The following PDS5B variants were observed in gnomAD, a reference collection of about 807,000 sequenced individuals.
PDS5B encodes sister chromatid cohesion protein PDS5 homolog B.
PDS5B carries 51 observed loss-of-function variants against 184.1 expected under a neutral mutation model. That is an observed-to-expected ratio of 0.28 (90% CI 0.22 to 0.35). The LOEUF is 0.35. PDS5B is among the 10% of genes least tolerant of loss of function. PDS5B has a pLI of 1.00. For synonymous variants in PDS5B, 566 were observed against 569.2 expected (o/e 0.99, Z 0.08); for missense variants, 1,180 against 1,723.3 (o/e 0.68, Z 5.58).
intron 1 of PDS5B, among the ~76,000 whole-genome samples, chr13:32,608,003 G>A (rs9595903): frequency 0.27 from 41,098 of 152,124 alleles, 6,711 homozygotes; most frequent in Non-Finnish European, 0.37. Flanking sequence ...AACGCCTTGC[G>A]CTTCCCGGGT....
chr13:32,768,947 C>CAAAAAAAAAAAAA (rs770324221), intron 31 of PDS5B, among the ~76,000 whole-genome samples: 14 of 84,524 alleles, frequency 1.7e-4, no homozygotes, highest in Admixed American at 4.2e-4. Context: ...TAAAAAAATA[C>CAAAAAAAAAAAAA]AAAAAAAAAA....
At position 32,764,436 on chromosome 13, in the gene PDS5B, AG is replaced by A. The variant is rs1954517369; in HGVS notation, c.3519-52del. 3.5e-6 allele frequency: 4 copies of A among 1,127,920 alleles called. No homozygotes were observed. In the South Asian group the frequency reaches 7.4e-5, roughly 21 times the overall value. 69.9% of individuals were successfully genotyped at this position (1,127,920 alleles called of 1,614,324 possible). A position where few individuals can be genotyped will look rare whatever the true frequency, so the allele number is the denominator to read the frequency against. ...GTAAAGCTACACTAGGAACAGAAAA[AG>A]CTTGTAAGGTTATTTGATTGTAATA... On this transcript the variant is annotated intron_variant, in intron 30 of 34. Transcript: ENST00000315596.
intron 20 of PDS5B, among the ~76,000 whole-genome samples, chr13:32,734,430 A>G (rs1004328632): frequency 6.6e-6 from 1 of 152,172 alleles, no homozygotes; most frequent in Non-Finnish European, 1.5e-5. Context: ...TGGGTTTCCT[A>G]TCAGAATAAC....
At chr13:32,693,001 T>A (rs1293031414) in intron 13 of PDS5B, among the ~76,000 whole-genome samples, 1 of 152,026 alleles carries the variant, frequency 6.6e-6, no homozygotes, top group African/African-American at 2.4e-5. Context: ...TAAGTGAAAG[T>A]AAGCTTCAAA....
chr13:32,611,596 C>T (rs1336109440), intron 1 of PDS5B, among the ~76,000 whole-genome samples: 1 of 151,016 alleles, frequency 6.6e-6, no homozygotes, highest in African/African-American at 2.4e-5. Flanking sequence ...CAGCCTCTGC[C>T]TCCTGGGCTC....
At chr13:32,665,733 G>C (rs908749465) in intron 6 of PDS5B, among the ~76,000 whole-genome samples, 6 of 151,382 alleles carry the variant, frequency 4.0e-5, no homozygotes. Flanking sequence ...AAAGCTATTT[G>C]TGGTAACCAA....
Position 32,658,505 on chromosome 13 carries a change from A to C in PDS5B, c.471A>C (p.Leu157=). 1 of 1,556,908 alleles carries C rather than the reference A, an allele frequency of 6.4e-7. No individual in the cohort carries two copies. ...LEDSNEIFTQ[L]YRTLFSVINN... ...ATAGCAATGAAATTTTCACCCAGCT[A>C]TACAGAACCTTATTTTCAGTTATAA... Residue 157 remains leucine (L), a synonymous_variant, in exon 5 of 35, where the codon CTA becomes CTC. Transcript: ENST00000315596.
intron 10 of PDS5B, among the ~76,000 whole-genome samples, chr13:32,680,730 G>C (rs958137838): frequency 3.9e-5 from 6 of 152,146 alleles, no homozygotes; most frequent in African/African-American, 1.4e-4. Flanking sequence ...AGAAGTTCTT[G>C]TTGCTAGTTC....
In PDS5B at chr13:32,591,916, A is replaced by G. The variant is rs74431646; in HGVS notation, c.-20+5323A>G. Among the ~76,000 whole-genome samples, 4 of 152,172 alleles carry G rather than the reference A, an allele frequency of 2.6e-5. No homozygotes were observed. In the East Asian group the frequency reaches 5.8e-4, roughly 22 times the overall value. ...GCTCATGGCACCTTGACGGGGAGCA[A>G]TGCTCTGAATGGAGAGGCTACAGCA... is the stretch of plus-strand genomic sequence containing the variant. On this transcript the variant is annotated intron_variant, in intron 1 of 34. Coordinates refer to ENST00000315596, the MANE Select transcript of PDS5B (RefSeq NM_015032.4).
chr13:32,589,538 A>G (rs966061966), intron 1 of PDS5B, among the ~76,000 whole-genome samples: 5 of 152,080 alleles, frequency 3.3e-5, no homozygotes, highest in Non-Finnish European at 7.4e-5. Flanking sequence ...CATGGCATTT[A>G]TTTATTCTTT....
chr13:32,682,977 G>A (rs1951286826), intron 10 of PDS5B, among the ~76,000 whole-genome samples: 2 of 151,728 alleles, frequency 1.3e-5, no homozygotes, highest in African/African-American at 4.8e-5. Context: ...GTGATCTCTT[G>A]TTGTGATCTC....
rs747469652 is a variant in PDS5B, at chr13:32,776,810, TTG to T, written c.*1762_*1763del. ...GATTATTTTTCTTTTAAAGATTTGT[TTG>T]TGTTTATGAAACAGCCATTTATTTT... On this transcript the variant is annotated 3_prime_UTR_variant, in exon 35 of 35. Coordinates refer to ENST00000315596, the MANE Select transcript of PDS5B (RefSeq NM_015032.4). 3 of 152,542 alleles carry T rather than the reference TTG, an allele frequency of 2.0e-5. No homozygotes were observed. The highest frequency in any genetic ancestry group is 4.4e-5 in the Non-Finnish European group (3 of 67,936). The allele number at this position is 152,542 out of a possible 1,614,324, so 9.4% of individuals were successfully genotyped here.
rs73451438 is a variant in PDS5B at position 32,625,206 on chromosome 13, A to T, written c.-19-23548A>T. Among the ~76,000 whole-genome samples, 851 of 152,126 alleles carry T rather than the reference A, an allele frequency of 5.6e-3. 14 individuals are homozygous for T. Among genetic ancestry groups the T allele is most frequent in the African/African-American group, 0.019 (803 of 41,500 alleles). On this transcript the variant is annotated intron_variant, in intron 1 of 34. Coordinates refer to ENST00000315596, the MANE Select transcript of PDS5B (RefSeq NM_015032.4). ...ATCACAGCTCACTGCAGCCTTGACCATCTGGGCTCAAGCGATCCTCCCACC... is the reference window on the plus strand; with the variant it reads ...ATCACAGCTCACTGCAGCCTTGACCTTCTGGGCTCAAGCGATCCTCCCACC...
Position 32,675,831 on chromosome 13 carries a change from T to C in PDS5B, c.847-13T>C. ...CTGCATGGTTTTAAAGCTGTGATTGTGTTTTATTTTAGAGCAATGATAATG... is the reference window on the plus strand; with the variant it reads ...CTGCATGGTTTTAAAGCTGTGATTGCGTTTTATTTTAGAGCAATGATAATG... On this transcript the variant is annotated splice_polypyrimidine_tract_variant and intron_variant, in intron 8 of 34. Transcript: ENST00000315596. 1 of 1,490,364 alleles carries C rather than the reference T, an allele frequency of 6.7e-7. No homozygotes were observed. The highest frequency in any genetic ancestry group is 9.4e-7 in the Non-Finnish European group (1 of 1,067,600). 92.3% of individuals were successfully genotyped at this position (1,490,364 alleles called of 1,614,324 possible).
chr13:32,702,179 T>C (rs908170789), intron 17 of PDS5B, among the ~76,000 whole-genome samples: 1 of 152,188 alleles, frequency 6.6e-6, no homozygotes, highest in African/African-American at 2.4e-5. Flanking sequence ...CATCTTATGC[T>C]CAAACCCTGT....
intron 17 of PDS5B, among the ~76,000 whole-genome samples, chr13:32,703,285 T>G (rs1402561571): frequency 6.6e-6 from 1 of 152,148 alleles, no homozygotes; most frequent in Non-Finnish European, 1.5e-5. Flanking sequence ...ATTGTAGAAA[T>G]GTAAGAAGAC....
At chr13:32,707,177 G>T in intron 18 of PDS5B, 138 bp downstream of exon 18, 1 of 503,264 alleles carries the variant, frequency 2.0e-6, no homozygotes, top group Non-Finnish European at 3.5e-6. Context: ...AGATGATTTA[G>T]AAGTTGTATA....
At chr13:32,691,865 A>T (rs1189228649) in intron 13 of PDS5B, among the ~76,000 whole-genome samples, 2 of 152,008 alleles carry the variant, frequency 1.3e-5, no homozygotes, top group East Asian at 3.8e-4. Context: ...CAGACATTTA[A>T]ATTTTTCCTA....
chr13:32,622,671 G>A (rs2058318859), intron 1 of PDS5B, among the ~76,000 whole-genome samples: 1 of 151,954 alleles, frequency 6.6e-6, no homozygotes, highest in Non-Finnish European at 1.5e-5. Context: ...TTGTCCCTCC[G>A]GGTCTATCAG....
Sources: gnomAD v4.1 joint callset for allele counts (sites outside exome capture counted in the v4.1 genomes callset) on GRCh38, gnomAD v4.1.1 for gene constraint, MANE v1.5 for transcripts, NCBI Gene and HGNC (gene_info 2026-07-23, HGNC 2026-07-21) for gene names.